The following BID variants were observed in gnomAD, a reference collection of about 807,000 sequenced individuals.
BID encodes BH3-interacting domain death agonist.
A neutral mutation model predicts 17.4 loss-of-function variants in BID; 19 were observed. The observed-to-expected ratio is 1.09, with a 90% CI of 0.76 to 1.60. The LOEUF (loss-of-function observed/expected upper bound fraction) is 1.60, where lower values mean the gene tolerates loss of function less well. Among genes scored for constraint, BID ranks in the 40% most tolerant of loss-of-function variants. The pLI is 0.00. For synonymous variants in BID, 108 were observed against 102.8 expected (o/e 1.05, Z -0.31); for missense variants, 226 against 256.0 (o/e 0.88, Z 0.80).
chr22:17,771,418 C>T (rs1437120175), intron 1 of BID, among the ~76,000 whole-genome samples: 1 of 151,854 alleles, frequency 6.6e-6, no homozygotes, highest in Non-Finnish European at 1.5e-5. Flanking sequence ...CCTTTAAGAC[C>T]CCACTTCCCA....
At chr22:17,771,571 C>T (rs1274569080) in intron 1 of BID, among the ~76,000 whole-genome samples, 1 of 152,308 alleles carries the variant, frequency 6.6e-6, no homozygotes, top group Non-Finnish European at 1.5e-5. Context: ...TTGTTGGCTT[C>T]TTCTACAGAA....
intron 1 of BID, among the ~76,000 whole-genome samples, chr22:17,753,017 A>T (rs1479650288): frequency 3.5e-5 from 4 of 114,334 alleles, no homozygotes; most frequent in Admixed American, 2.5e-4. Flanking sequence ...CCCAGGCTGG[A>T]GTGCAGTGGC....
intron 3 of BID, chr22:17,739,966 C>G (rs943857941): frequency 1.5e-5 from 17 of 1,122,640 alleles, no homozygotes; most frequent in Non-Finnish European, 2.2e-5. Context: ...CCAGTTGTCA[C>G]TGGCACCGGC....
intron 1 of BID, among the ~76,000 whole-genome samples, chr22:17,751,311 G>T (rs1177668879): frequency 6.6e-6 from 1 of 151,758 alleles, no homozygotes; most frequent in East Asian, 1.9e-4. Context: ...AGCGGAGCTT[G>T]CAGTGAGCCG....
intron 2 of BID, among the ~76,000 whole-genome samples, chr22:17,744,868 G>A (rs2061485069): frequency 6.6e-6 from 1 of 152,220 alleles, no homozygotes; most frequent in African/African-American, 2.4e-5. Context: ...ACACAAAGAA[G>A]GGCAGGGACG....
chr22:17,758,416 C>G (rs1476424534), intron 1 of BID, among the ~76,000 whole-genome samples: 1 of 152,200 alleles, frequency 6.6e-6, no homozygotes, highest in Non-Finnish European at 1.5e-5. Context: ...AAAAATTAAA[C>G]CTAGAACTAC....
Position 17,738,128 on chromosome 22 carries a change from C to T in BID, c.465G>A (p.Leu155=). The T allele has an allele frequency of 3.7e-6, 6 of 1,614,068 alleles. No individual in the cohort carries two copies. The highest frequency in any genetic ancestry group is 5.1e-6 in the Non-Finnish European group (6 of 1,180,026). The part of the protein sequence containing the change: ...EKTMLVLALL[L]AKKVASHTPS... Reference sequence around the variant, plus strand: ...GCGTGTGACTGGCCACCTTCTTGGCCAGCAGCAGGGCCAGCACCAGCATGG... The same window carrying T: ...GCGTGTGACTGGCCACCTTCTTGGCTAGCAGCAGGGCCAGCACCAGCATGG... Residue 155 remains leucine (L), a synonymous_variant, in exon 5 of 6, where the codon CTG becomes CTA. Coordinates refer to ENST00000622694, the MANE Select transcript of BID (RefSeq NM_001196.4).
intron 1 of BID, among the ~76,000 whole-genome samples, chr22:17,750,387 C>T (rs2061528873): frequency 6.6e-6 from 1 of 152,210 alleles, no homozygotes; most frequent in Non-Finnish European, 1.5e-5. Flanking sequence ...TGCCCTGGGG[C>T]CGACCCCGCA....
At chr22:17,747,603 G>C (rs964245625) in intron 2 of BID, among the ~76,000 whole-genome samples, 2 of 152,030 alleles carry the variant, frequency 1.3e-5, no homozygotes, top group East Asian at 3.9e-4. Flanking sequence ...TTACTGGCGT[G>C]AGCCACCATG....
At chr22:17,766,825 C>G (rs2061682487) in intron 1 of BID, among the ~76,000 whole-genome samples, 1 of 144,718 alleles carries the variant, frequency 6.9e-6, no homozygotes, top group African/African-American at 2.6e-5. Flanking sequence ...CTCCTGACCT[C>G]GTGATCTGCC....
chr22:17,737,844 C>T (rs966132277), intron 5 of BID, among the ~76,000 whole-genome samples, 173 bp downstream of exon 5: 5 of 152,228 alleles, frequency 3.3e-5, no homozygotes, highest in Admixed American at 6.5e-5. Flanking sequence ...GGGTGCTCTT[C>T]GTCACCTTTA....
chr22:17,741,241 G>A (rs1479150973), intron 3 of BID: 2 of 152,262 alleles, frequency 1.3e-5, no homozygotes, highest in Admixed American at 1.3e-4. Flanking sequence ...GGCAGGGTTG[G>A]GAGAAGTGAC....
intron 1 of BID, among the ~76,000 whole-genome samples, chr22:17,751,916 C>T (rs1391855155): frequency 6.6e-6 from 1 of 152,216 alleles, no homozygotes; most frequent in Non-Finnish European, 1.5e-5. Context: ...AAGACAGACC[C>T]CACCCCAGGA....
intron 4 of BID, 133 bp from the exon 5 acceptor site, chr22:17,738,362 A>C: frequency 1.2e-6 from 1 of 847,804 alleles, no homozygotes; most frequent in Non-Finnish European, 1.8e-6. Context: ...AGAATGAGAA[A>C]CAGTTGAGTT....
intron 1 of BID, among the ~76,000 whole-genome samples, chr22:17,765,699 G>T (rs964405051): frequency 6.6e-6 from 1 of 152,188 alleles, no homozygotes; most frequent in Non-Finnish European, 1.5e-5. Context: ...CTGAAGAAAA[G>T]GGGGGAAGGA....
In BID at chr22:17,758,224, G is replaced by A. The variant is rs117188863; in HGVS notation, c.-58-8050C>T. Among the ~76,000 whole-genome samples the A allele has an allele frequency of 1.0e-3, 155 of 152,302 alleles. 3 individuals are homozygous for A. The East Asian group carries it at 0.021, about 21-fold the overall frequency. On this transcript the variant is annotated intron_variant, in intron 1 of 5. Coordinates refer to ENST00000622694, the MANE Select transcript of BID (RefSeq NM_001196.4). ...TCCTGCCACGCTGTGAGCTGGGGCC[G>A]AGCTACTCTTCCCAGGAGGCCGAGA...
rs1287988419 is a variant in BID, at chr22:17,773,822, C to T, written c.-59+559G>A. ...TTTCCCAGCAGCAGCAGCGAGGATCCGCACATCATTGCCAGTGCTCTAAGG... is the reference window on the plus strand; with the variant it reads ...TTTCCCAGCAGCAGCAGCGAGGATCTGCACATCATTGCCAGTGCTCTAAGG... On this transcript the variant is annotated intron_variant, in intron 1 of 5. Coordinates refer to ENST00000622694, the MANE Select transcript of BID (RefSeq NM_001196.4). This position sits in a 1 kb window ranked among gnomAD's most constrained non-coding sequence, Gnocchi z 4.4. 1 of 870,352 alleles carries T rather than the reference C, an allele frequency of 1.1e-6. No homozygotes were observed. The highest frequency in any genetic ancestry group is 2.7e-5 in the East Asian group (1 of 37,702). 53.9% of individuals were successfully genotyped at this position (870,352 alleles called of 1,614,324 possible). A position where few individuals can be genotyped will look rare whatever the true frequency, so the allele number is the denominator to read the frequency against.
At chr22:17,757,434 C>A (rs960334375) in intron 1 of BID, among the ~76,000 whole-genome samples, 1 of 139,194 alleles carries the variant, frequency 7.2e-6, no homozygotes, top group East Asian at 2.2e-4. Flanking sequence ...AAATGCCAGG[C>A]GCAGTCGCTC....
intron 1 of BID, among the ~76,000 whole-genome samples, chr22:17,755,075 T>C (rs537137648): frequency 2.8e-3 from 384 of 139,056 alleles, no homozygotes; most frequent in African/African-American, 0.01. Flanking sequence ...ATTTCTTTTT[T>C]TCTTTTCTTT....
Sources: allele counts gnomAD v4.1 joint callset (sites outside exome capture counted in the v4.1 genomes callset), GRCh38; gene constraint gnomAD v4.1.1; non-coding constraint Gnocchi (gnomAD v3.1); transcripts MANE v1.5; gene names NCBI Gene and HGNC (gene_info 2026-07-23, HGNC 2026-07-21).